Variants in STK3 observed in about 807,000 individuals in gnomAD.
The protein encoded by STK3 is serine/threonine kinase 3, also known as serine/threonine-protein kinase 3.
Under a neutral mutation model 58.0 loss-of-function variants are expected in STK3, and 41 were observed. The observed-to-expected ratio is 0.71, with a 90% CI of 0.55 to 0.92. The LOEUF (loss-of-function observed/expected upper bound fraction) is 0.92. STK3 is among the 40% of genes least tolerant of loss of function. The pLI is 0.00. For missense variants in STK3, 479 were observed against 602.7 expected (o/e 0.79, Z 2.15); for synonymous variants, 170 against 191.0 (o/e 0.89, Z 0.91).
intron 6 of STK3, among the ~76,000 whole-genome samples, chr8:98,627,076 C>G (rs1241345039): frequency 6.6e-6 from 1 of 152,142 alleles, no homozygotes; most frequent in Non-Finnish European, 1.5e-5. Flanking sequence ...GGCTTGGACT[C>G]AAGTCTTAAG....
intron 7 of STK3, among the ~76,000 whole-genome samples, chr8:98,581,438 G>T (rs1342615730): frequency 6.6e-6 from 1 of 152,046 alleles, no homozygotes; most frequent in African/African-American, 2.4e-5. Flanking sequence ...TTTCTACACT[G>T]CCTTGTGGAG....
chr8:98,781,305 A>G (rs1832071131), intron 1 of STK3, among the ~76,000 whole-genome samples: 1 of 152,218 alleles, frequency 6.6e-6, no homozygotes, highest in Non-Finnish European at 1.5e-5. Flanking sequence ...GCAAATGGAA[A>G]TTCCATTACA....
intron 10 of STK3, among the ~76,000 whole-genome samples, chr8:98,458,604 G>A (rs1819689516): frequency 6.6e-6 from 1 of 152,124 alleles, no homozygotes; most frequent in South Asian, 2.1e-4. Flanking sequence ...ATCTCATCAT[G>A]AATTGTAATC....
chr8:98,461,899 T>A (rs1820010147), intron 10 of STK3, among the ~76,000 whole-genome samples: 1 of 152,236 alleles, frequency 6.6e-6, no homozygotes, highest in Non-Finnish European at 1.5e-5. Context: ...CGCTTTTGTC[T>A]CACTGCTCTT....
chr8:98,526,809 G>T lies in STK3; in HGVS notation c.1250C>A (p.Pro417His). 6.3e-7 allele frequency: 1 copy of T among 1,591,416 alleles called. No homozygotes were observed. The change falls in exon 10 of 11, where the codon CCC becomes CAC. Residue 417 changes from proline to histidine, a missense_variant. Pro to His is a moderately conservative substitution (Grantham distance 77, BLOSUM62 -2). Transcript: ENST00000419617. ...AAAAACGTTTTTGGACATAGGGAAG[G>T]GTTCATGCATGTTCTGATTACAGTT... ...HENCNQNMHE[P>H]FPMSKNVFPD... is the part of the protein sequence containing the mutation.
chr8:98,874,226 G>A (rs1837482752), intron 3 of STK3, among the ~76,000 whole-genome samples: 1 of 152,138 alleles, frequency 6.6e-6, no homozygotes, highest in South Asian at 2.1e-4. Context: ...TTAGTCTGTT[G>A]GGCTTCCCTT....
intron 1 of STK3, among the ~76,000 whole-genome samples, chr8:98,816,544 C>T (rs771669543): frequency 1.3e-5 from 2 of 151,926 alleles, no homozygotes; most frequent in South Asian, 2.1e-4. Context: ...AAACAAAACA[C>T]AACCTAGAGA....
At chr8:98,433,768 C>T (rs1401862860) in intron 3 of STK3, among the ~76,000 whole-genome samples, 1 of 152,214 alleles carries the variant, frequency 6.6e-6, no homozygotes, top group Non-Finnish European at 1.5e-5. Context: ...GGTTTCATTT[C>T]CTCTTCAGCA....
chr8:98,874,945 TATTC>T (rs1447371795), intron 3 of STK3, among the ~76,000 whole-genome samples: 1 of 152,172 alleles, frequency 6.6e-6, no homozygotes, highest in Non-Finnish European at 1.5e-5. Context: ...TTTTTAAATA[TATTC>T]AGTAAATTAA....
chr8:98,904,742 A>T, intron 1 of STK3: 1 of 834,516 alleles, frequency 1.2e-6, no homozygotes, highest in Non-Finnish European at 2.0e-6. Context: ...TGTGGGGAGC[A>T]TGGCTGCAGC....
chr8:98,797,900 C>T (rs574882994), intron 1 of STK3, among the ~76,000 whole-genome samples: 7 of 151,982 alleles, frequency 4.6e-5, no homozygotes, highest in East Asian at 1.9e-4. Context: ...TGAAATAGAC[C>T]GAGCAGAGAA....
intron 10 of STK3, among the ~76,000 whole-genome samples, chr8:98,487,719 C>A (rs894664181): frequency 1.3e-5 from 2 of 152,108 alleles, no homozygotes; most frequent in South Asian, 2.1e-4. Flanking sequence ...CAAATAGAAT[C>A]CTGTGGCCAT....
intron 3 of STK3, among the ~76,000 whole-genome samples, chr8:98,763,717 G>C (rs1336030064): frequency 6.6e-6 from 1 of 151,380 alleles, no homozygotes; most frequent in East Asian, 1.9e-4. Context: ...CTGTCACCCA[G>C]GCTGGAGTTC....
chr8:98,760,865 TA>T (rs796758181), intron 3 of STK3, among the ~76,000 whole-genome samples: 15 of 150,780 alleles, frequency 9.9e-5, no homozygotes, highest in African/African-American at 3.2e-4. Context: ...GAAAGAGTAT[TA>T]AAAAAAAATG....
chr8:98,496,330 C>G (rs1184127927), intron 10 of STK3, among the ~76,000 whole-genome samples: 1 of 152,014 alleles, frequency 6.6e-6, no homozygotes, highest in East Asian at 1.9e-4. Flanking sequence ...GATACAAGAT[C>G]AATATATAAA....
intron 2 of STK3, among the ~76,000 whole-genome samples, chr8:98,773,728 G>A (rs1397571852): frequency 1.3e-5 from 2 of 151,932 alleles, no homozygotes; most frequent in African/African-American, 4.8e-5. Flanking sequence ...AACATTTACT[G>A]AAAAGTACAC....
chr8:98,942,119 C>G (rs1840456220), intron 1 of STK3, among the ~76,000 whole-genome samples: 1 of 152,250 alleles, frequency 6.6e-6, no homozygotes, highest in African/African-American at 2.4e-5. Flanking sequence ...GTGGGCCCCG[C>G]AATGCCTGCG....
intron 1 of STK3, among the ~76,000 whole-genome samples, chr8:98,443,576 G>T (rs978845741): frequency 1.3e-5 from 2 of 152,198 alleles, no homozygotes; most frequent in Admixed American, 1.3e-4. Context: ...GGCTGGGCAT[G>T]GTGGCTCATG....
At chr8:98,785,646 C>A (rs1284577533) in intron 1 of STK3, among the ~76,000 whole-genome samples, 1 of 152,164 alleles carries the variant, frequency 6.6e-6, no homozygotes, top group African/African-American at 2.4e-5. Context: ...TCCCAGTAAA[C>A]AAGGATCAAA....
Sources: gnomAD v4.1 joint callset for allele counts (sites outside exome capture counted in the v4.1 genomes callset) on GRCh38, gnomAD v4.1.1 for gene constraint, MANE v1.5 for transcripts, NCBI Gene and HGNC (gene_info 2026-07-23, HGNC 2026-07-21) for gene names.